SMIM8: variants seen among roughly 807,000 people sequenced by gnomAD.
SMIM8 encodes the protein small integral membrane protein 8.
A neutral mutation model predicts 8.1 loss-of-function variants in SMIM8; 8 were observed. The observed-to-expected ratio is 0.99, with a 90% CI of 0.58 to 1.78. The LOEUF (loss-of-function observed/expected upper bound fraction) is 1.78. SMIM8 is among the 40% of genes most tolerant of loss of function. The pLI is 0.00. For missense variants in SMIM8, 126 were observed against 119.8 expected (o/e 1.05, Z -0.24); for synonymous variants, 45 against 39.7 (o/e 1.13, Z -0.50).
intron 1 of SMIM8, among the ~76,000 whole-genome samples, chr6:87,329,619 T>A (rs1242428490): frequency 6.6e-6 from 1 of 152,222 alleles, no homozygotes; most frequent in East Asian, 1.9e-4. Context: ...AAAGTATGTT[T>A]TACCTTAAAA....
intron 2 of SMIM8, among the ~76,000 whole-genome samples, chr6:87,333,375 A>G (rs1334053310): frequency 1.3e-5 from 2 of 152,204 alleles, no homozygotes; most frequent in Non-Finnish European, 2.9e-5. Context: ...TTTCAACGTG[A>G]GGTTTGGGAG....
intron 1 of SMIM8, among the ~76,000 whole-genome samples, chr6:87,324,935 T>G (rs1776779000): frequency 6.6e-6 from 1 of 152,188 alleles, no homozygotes; most frequent in Non-Finnish European, 1.5e-5. Flanking sequence ...TTGTATCCTC[T>G]TTTATTTCCT....
chr6:87,337,765 T>G (rs1253092984), intron 3 of SMIM8, among the ~76,000 whole-genome samples: 1 of 152,170 alleles, frequency 6.6e-6, no homozygotes, highest in African/African-American at 2.4e-5. Flanking sequence ...TGGCTGGGAC[T>G]ACAGGTGCAC....
Position 87,337,215 on chromosome 6 carries a change from G to C in SMIM8, c.135+49G>C, listed in dbSNP as rs747578830. 2.0e-6 allele frequency: 3 copies of C among 1,496,676 alleles called. No individual in the cohort carries two copies. In the East Asian group the frequency reaches 7.1e-5, roughly 35 times the overall value. The allele number at this position is 1,496,676 out of a possible 1,614,324, so 92.7% of individuals were successfully genotyped here. The stretch of plus-strand genomic sequence containing the variant: ...ACTTTGTGTTTAATCCAACCAGACT[G>C]TCAGAAAGTTCTAATTTTCTTGTAT... On this transcript the variant is annotated intron_variant, in intron 3 of 3. Transcript: ENST00000392863.
chr6:87,334,687 A>G (rs878908035), intron 2 of SMIM8, among the ~76,000 whole-genome samples: 3 of 152,358 alleles, frequency 2.0e-5, no homozygotes, highest in Admixed American at 2.0e-4. Context: ...TTTGCAAAGG[A>G]AATAAACAGA....
chr6:87,333,371 C>T (rs1777034529), intron 2 of SMIM8, among the ~76,000 whole-genome samples: 2 of 152,188 alleles, frequency 1.3e-5, no homozygotes, highest in South Asian at 2.1e-4. Flanking sequence ...CAGATTTCAA[C>T]GTGAGGTTTG....
chr6:87,340,501 CTCTTATAAA>C lies in SMIM8; in HGVS notation c.*228_*236del, dbSNP rs1777204849. On this transcript the variant is annotated 3_prime_UTR_variant, in exon 4 of 4. Coordinates refer to ENST00000392863, the MANE Select transcript of SMIM8 (RefSeq NM_001042493.3). Reference sequence around the variant, plus strand: ...CGTCATAATATTTTTCTTTCCTTACCTCTTATAAAAGTGCCATGAGAATGGAAGTTGTTT... The same window carrying C: ...CGTCATAATATTTTTCTTTCCTTACCAGTGCCATGAGAATGGAAGTTGTTT... The C allele has an allele frequency of 3.2e-6, 1 of 316,284 alleles. No individual in the cohort carries two copies. Among genetic ancestry groups the C allele is most frequent in the East Asian group, 5.1e-5 (1 of 19,660 alleles). 19.6% of individuals were successfully genotyped at this position (316,284 alleles called of 1,614,324 possible).
intron 3 of SMIM8, among the ~76,000 whole-genome samples, chr6:87,337,681 T>C (rs1034907807): frequency 6.6e-6 from 1 of 152,240 alleles, no homozygotes; most frequent in African/African-American, 2.4e-5. Flanking sequence ...TAGGCTGTAG[T>C]GCAGTGGTAC....
chr6:87,334,098 A>G (rs1202503797), intron 2 of SMIM8, among the ~76,000 whole-genome samples: 1 of 152,230 alleles, frequency 6.6e-6, no homozygotes, highest in African/African-American at 2.4e-5. Flanking sequence ...ACATGAACTC[A>G]TAGAGTAAGA....
chr6:87,327,551 ATTCTT>A (rs1776858933), intron 1 of SMIM8, among the ~76,000 whole-genome samples: 1 of 149,948 alleles, frequency 6.7e-6, no homozygotes, highest in South Asian at 2.1e-4. Flanking sequence ...TGGGTTGAAA[ATTCTT>A]TTCTTTAAGA....
chr6:87,323,410 G>C (rs1237708185), intron 1 of SMIM8, among the ~76,000 whole-genome samples: 1 of 147,622 alleles, frequency 6.8e-6, no homozygotes, highest in Non-Finnish European at 1.5e-5. Context: ...ATCTCCCAAT[G>C]CTATCCCTCC....
At position 87,340,168 on chromosome 6, in the gene SMIM8, A is replaced by G. The variant is rs763287499; in HGVS notation, c.188A>G (p.Tyr63Cys). The change falls in exon 4 of 4, where the codon TAT (tyrosine) becomes TGT (cysteine). Residue 63 changes from tyrosine to cysteine, a missense_variant. Transcript: ENST00000392863. ...GLVTLSLCVA[Y>C]IGYLHAIQEN... The stretch of plus-strand genomic sequence containing the variant: ...GTAACTCTTTCACTTTGCGTGGCAT[A>G]TATTGGTTATCTACATGCAATACAA... The G allele has an allele frequency of 1.9e-4, 310 of 1,609,260 alleles. 2 individuals are homozygous for G. Among genetic ancestry groups the G allele is most frequent in the South Asian group, 3.8e-4 (34 of 89,962 alleles).
At chr6:87,323,390 CATT>C (rs749361723) in intron 1 of SMIM8, among the ~76,000 whole-genome samples, 17 of 152,096 alleles carry the variant, frequency 1.1e-4, no homozygotes, top group African/African-American at 1.7e-4. Context: ...GGACATCTAA[CATT>C]AGGTATATCT....
chr6:87,340,014 G>A, intron 3 of SMIM8, 102 bp from the exon 4 acceptor site: 1 of 822,844 alleles, frequency 1.2e-6, no homozygotes, highest in South Asian at 2.2e-5. Context: ...TGCTAGTGTT[G>A]TAATAAAGAT....
rs1777131277 is a variant in SMIM8 at position 87,337,109 on chromosome 6, A to G, written c.78A>G (p.Arg26=). Residue 26 remains arginine (R), a synonymous_variant, in exon 3 of 4, where the codon AGA becomes AGG. Transcript: ENST00000392863. ...KEKEFQSPGL[R]GVRTTTLFRA... is the part of the protein sequence containing the mutation. ...AAGAGTTTCAAAGCCCAGGGCTCAG[A>G]GGGGTGCGCACAACAACCTTATTTC... 6.2e-7 allele frequency: 1 copy of G among 1,613,422 alleles called. No homozygotes were observed. Among genetic ancestry groups the G allele is most frequent in the South Asian group, 1.1e-5 (1 of 90,944 alleles).
At chr6:87,332,327 GTATA>G (rs1424659153) in intron 2 of SMIM8, among the ~76,000 whole-genome samples, 712 of 39,424 alleles carry the variant, frequency 0.018, 13 homozygotes, top group African/African-American at 0.056. Context: ...CCCCATATAT[GTATA>G]TATATATATA....
intron 2 of SMIM8, among the ~76,000 whole-genome samples, chr6:87,334,632 A>T (rs1777065367): frequency 6.6e-6 from 1 of 152,184 alleles, no homozygotes; most frequent in Non-Finnish European, 1.5e-5. Context: ...CTGATGAAAC[A>T]GGTGTTCTTG....
chr6:87,340,071 ATTGT>A, intron 3 of SMIM8, 41 bp from the exon 4 acceptor site: 1 of 1,450,404 alleles, frequency 6.9e-7, no homozygotes, highest in Non-Finnish European at 9.1e-7. Flanking sequence ...GTCTCCTCAA[ATTGT>A]TAGTCTTACT....
Position 87,341,570 on chromosome 6 carries a change from TATTA to T in SMIM8, c.*1299_*1302del, listed in dbSNP as rs1777236457. The T allele has an allele frequency of 3.0e-6, 1 of 337,236 alleles. No homozygotes were observed. The highest frequency in any genetic ancestry group is 2.1e-5 in the African/African-American group (1 of 47,314). The allele number at this position is 337,236 out of a possible 1,614,324, so 20.9% of individuals were successfully genotyped here. ...ACCTCTGAAGTCTTGCTTCAGTCGC[TATTA>T]ATATTACCAAGTAATAATAACAGCA... On this transcript the variant is annotated 3_prime_UTR_variant, in exon 4 of 4. Coordinates refer to ENST00000392863, the MANE Select transcript of SMIM8 (RefSeq NM_001042493.3).
Sources: allele counts gnomAD v4.1 joint callset (sites outside exome capture counted in the v4.1 genomes callset), GRCh38; gene constraint gnomAD v4.1.1; transcripts MANE v1.5; gene names NCBI Gene and HGNC (gene_info 2026-07-23, HGNC 2026-07-21).